SLC2A9: variants seen among roughly 807,000 people sequenced by gnomAD.
SLC2A9 encodes solute carrier family 2 member 9, also known as solute carrier family 2, facilitated glucose transporter member 9.
A neutral mutation model predicts 50.6 loss-of-function variants in SLC2A9; 39 were observed. That is an observed-to-expected ratio of 0.77 (90% CI 0.60 to 1.01). The LOEUF is 1.01. Ranked by LOEUF, SLC2A9 falls within the 50% of genes least tolerant of loss-of-function variation. The pLI is 0.00. For synonymous variants in SLC2A9, 324 were observed against 276.9 expected, an observed-to-expected ratio of 1.17 and a Z score of -1.69; for missense variants, 686 against 677.6, an observed-to-expected ratio of 1.01 and a Z score of -0.14.
intron 11 of SLC2A9, 143 bp from the exon 12 acceptor site, chr4:9,826,743 T>C: frequency 1.3e-6 from 1 of 773,660 alleles, no homozygotes; most frequent in Non-Finnish European, 2.2e-6. Context: ...GCTGGCTCAA[T>C]AAGGCAAGTG....
chr4:9,815,505 G>A (rs1320006963), intron 3 of SLC2A9, among the ~76,000 whole-genome samples: 4 of 152,140 alleles, frequency 2.6e-5, no homozygotes, highest in African/African-American at 9.7e-5. Context: ...TCTGCTCCAT[G>A]AAGTCCAGAC....
intron 1 of SLC2A9, among the ~76,000 whole-genome samples, chr4:10,019,558 G>C (rs1429614412): frequency 6.6e-6 from 1 of 152,238 alleles, no homozygotes; most frequent in East Asian, 1.9e-4. Context: ...GGCTGGTGCT[G>C]TCTAGGATGG....
intron 2 of SLC2A9, among the ~76,000 whole-genome samples, chr4:10,012,315 C>T (rs779274414): frequency 6.6e-6 from 1 of 152,234 alleles, no homozygotes; most frequent in Non-Finnish European, 1.5e-5. Context: ...TTCCATAGGA[C>T]AGACTCACAG....
intron 2 of SLC2A9, among the ~76,000 whole-genome samples, chr4:10,018,546 T>TGATAGATGATAGATAGATA (rs1553915026): frequency 6.9e-6 from 1 of 145,332 alleles, no homozygotes; most frequent in African/African-American, 2.6e-5. Flanking sequence ...ATCTCAAAGA[T>TGATAGATGATAGATAGATA]GATAGATAGA....
At chr4:9,838,523 C>T (rs189944050) in intron 10 of SLC2A9, among the ~76,000 whole-genome samples, 1 of 152,162 alleles carries the variant, frequency 6.6e-6, no homozygotes, top group East Asian at 1.9e-4. Flanking sequence ...TCATGTGGAA[C>T]CAAAAAAGAG....
intron 6 of SLC2A9, among the ~76,000 whole-genome samples, chr4:9,935,718 T>G (rs868273521): frequency 6.6e-6 from 1 of 152,178 alleles, no homozygotes; most frequent in South Asian, 2.1e-4. Context: ...GCATGTTGTT[T>G]TAGGACGTGT....
intron 2 of SLC2A9, among the ~76,000 whole-genome samples, chr4:10,016,414 C>T (rs1414022188): frequency 6.6e-6 from 1 of 152,128 alleles, no homozygotes; most frequent in Non-Finnish European, 1.5e-5. Context: ...CATGAGGGTG[C>T]ACTGAGCTGA....
chr4:9,956,413 G>C (rs1316334286), intron 5 of SLC2A9, among the ~76,000 whole-genome samples: 1 of 152,024 alleles, frequency 6.6e-6, no homozygotes, highest in South Asian at 2.1e-4. Flanking sequence ...CTGGGAGGTA[G>C]AGCTTGCAGT....
intron 1 of SLC2A9, among the ~76,000 whole-genome samples, chr4:9,774,087 T>C (rs1717197942): frequency 6.6e-6 from 1 of 150,894 alleles, no homozygotes; most frequent in Non-Finnish European, 1.5e-5. Context: ...CTCTGCCTCC[T>C]GGTTCAAGCG....
chr4:9,941,971 G>A lies in SLC2A9; in HGVS notation c.756C>T (p.Leu252=), dbSNP rs1185796609. 21 of 1,614,194 alleles carry A rather than the reference G, an allele frequency of 1.3e-5. No individual in the cohort carries two copies. Among genetic ancestry groups the A allele is most frequent in the Non-Finnish European group, 1.8e-5 (21 of 1,180,038 alleles). ...AVVQLLSLPF[L]PDSPRYLLLE... ...AGAGCAGGTAGCGTGGGCTGTCCGG[G>A]AGAAAGGGAAGGCTCAGCAGCTGGA... Residue 252 remains leucine, a synonymous_variant, in exon 6 of 12, where the codon CTC becomes CTT. Transcript: ENST00000264784.
intron 8 of SLC2A9, among the ~76,000 whole-genome samples, chr4:9,895,039 G>A (rs566859028): frequency 1.3e-5 from 2 of 152,188 alleles, no homozygotes; most frequent in East Asian, 1.9e-4. Flanking sequence ...TTAAAAAAGA[G>A]TTTCAAGTGC....
chr4:9,797,468 AC>A (rs1161453340), downstream of SLC2A9, among the ~76,000 whole-genome samples: 2 of 151,914 alleles, frequency 1.3e-5, no homozygotes, highest in African/African-American at 4.8e-5. Context: ...ACTGACCAAA[AC>A]TCTCATATCT....
At chr4:9,809,108 G>A (rs181549034) in intron 3 of SLC2A9, among the ~76,000 whole-genome samples, 1 of 152,196 alleles carries the variant, frequency 6.6e-6, no homozygotes, top group Non-Finnish European at 1.5e-5. Context: ...TGGCTTGGTA[G>A]AATGTACATT....
chr4:9,860,962 A>G (rs1164981973), intron 10 of SLC2A9, among the ~76,000 whole-genome samples: 6 of 151,824 alleles, frequency 4.0e-5, no homozygotes, highest in Admixed American at 2.0e-4. Flanking sequence ...TCCATGATCA[A>G]CTCTGTGGAG....
chr4:9,886,893 G>T (rs1736372129), intron 10 of SLC2A9, among the ~76,000 whole-genome samples: 1 of 152,190 alleles, frequency 6.6e-6, no homozygotes, highest in South Asian at 2.1e-4. Flanking sequence ...TACAGATGGG[G>T]AAACTGAGGC....
rs755778869 is a variant in SLC2A9 at position 9,920,380 on chromosome 4, C to T, written c.1002+5G>A. 6.2e-7 allele frequency: 1 copy of T among 1,614,058 alleles called. No homozygotes were observed. The highest frequency in any genetic ancestry group is 1.1e-5 in the South Asian group (1 of 91,052). On this transcript the variant is annotated splice_donor_5th_base_variant and intron_variant, in intron 7 of 11. Transcript: ENST00000264784. The stretch of plus-strand genomic sequence containing the variant: ...CAAGGATGCCCACCGGGCCCCAGGA[C>T]TCACTGCATTGAGGCCACAGAGCTG...
intron 3 of SLC2A9, among the ~76,000 whole-genome samples, chr4:9,811,636 A>G (rs1332188268): frequency 6.6e-6 from 1 of 152,194 alleles, no homozygotes; most frequent in Admixed American, 6.5e-5. Flanking sequence ...GATTAAATTC[A>G]GGAGACACCA....
At chr4:9,911,380 G>A (rs1015315263) in intron 7 of SLC2A9, among the ~76,000 whole-genome samples, 2 of 152,160 alleles carry the variant, frequency 1.3e-5, no homozygotes, top group Non-Finnish European at 2.9e-5. Flanking sequence ...AGAGTGGGAA[G>A]GTGACTGCCT....
chr4:9,991,770 G>A (rs1363905108), intron 3 of SLC2A9, among the ~76,000 whole-genome samples: 1 of 152,206 alleles, frequency 6.6e-6, no homozygotes, highest in Non-Finnish European at 1.5e-5. Context: ...CAGCGAGAAA[G>A]CAGCCATCTG....
Sources: allele counts gnomAD v4.1 joint callset (sites outside exome capture counted in the v4.1 genomes callset), GRCh38; gene constraint gnomAD v4.1.1; transcripts MANE v1.5; gene names NCBI Gene and HGNC (gene_info 2026-07-23, HGNC 2026-07-21).